Variants in TMEM272 observed in about 807,000 individuals in gnomAD.
The protein encoded by TMEM272 is long intergenic non-protein coding RNA 282.
A neutral mutation model predicts 3.7 loss-of-function variants in TMEM272; 8 were observed. The observed-to-expected ratio is 2.17, with a 90% confidence interval of 1.27 to 3.91. The LOEUF (loss-of-function observed/expected upper bound fraction) is 3.91, where lower values mean the gene tolerates loss of function less well. TMEM272 is among the 30% of genes most tolerant of loss of function. TMEM272 has a pLI of 0.00. For missense variants in TMEM272, 166 were observed against 91.5 expected, an observed-to-expected ratio of 1.81 and a Z score of -3.32; for synonymous variants, 63 against 39.8, an observed-to-expected ratio of 1.58 and a Z score of -2.20.
At chr13:51,908,704 A>T in the TMEM272 span, 2 of 1,481,812 alleles carry the variant, frequency 1.3e-6, no homozygotes, top group Non-Finnish European at 1.9e-6. Flanking sequence ...GGTATATTAA[A>T]ACTTCTGAGT....
At chr13:51,876,283 T>G in the TMEM272 span, among the ~76,000 whole-genome samples, 1 of 152,368 alleles carries the variant, frequency 6.6e-6, no homozygotes, top group Admixed American at 6.5e-5. Context: ...GATTTTCCTT[T>G]GAAGTGTGGT....
chr13:51,831,830 G>A (rs1956175915), intron 2 of TMEM272, among the ~76,000 whole-genome samples: 1 of 152,220 alleles, frequency 6.6e-6, no homozygotes, highest in Non-Finnish European at 1.5e-5. Flanking sequence ...GGTCTATTGA[G>A]CACCAATTCC....
the TMEM272 span, among the ~76,000 whole-genome samples, chr13:51,852,089 A>T: frequency 1.3e-5 from 2 of 152,272 alleles, no homozygotes; most frequent in Admixed American, 6.5e-5. Context: ...CATGGGGGTT[A>T]TAACAGTTTG....
At chr13:51,924,739 AG>A in the TMEM272 span, among the ~76,000 whole-genome samples, 2 of 152,088 alleles carry the variant, frequency 1.3e-5, no homozygotes, top group East Asian at 3.9e-4. Flanking sequence ...CCCAGCAGCC[AG>A]GATGCACCCC....
chr13:51,918,726 A>G, the TMEM272 span, among the ~76,000 whole-genome samples: 1 of 151,872 alleles, frequency 6.6e-6, no homozygotes, highest in African/African-American at 2.4e-5. Flanking sequence ...CCCCAGCTCA[A>G]GTATCCTCCC....
At chr13:51,899,376 C>T in the TMEM272 span, among the ~76,000 whole-genome samples, 1 of 152,066 alleles carries the variant, frequency 6.6e-6, no homozygotes, top group Non-Finnish European at 1.5e-5. Flanking sequence ...TAATAAAAGC[C>T]AGAAAAGGGT....
the TMEM272 span, among the ~76,000 whole-genome samples, chr13:51,868,388 T>C: frequency 6.6e-6 from 1 of 152,222 alleles, no homozygotes. Context: ...TATGCAAAGA[T>C]GCACAGAGAT....
chr13:51,872,182 G>T, the TMEM272 span, among the ~76,000 whole-genome samples: 1 of 152,124 alleles, frequency 6.6e-6, no homozygotes. Context: ...GCTTCTAAAA[G>T]ATTATAAATT....
chr13:51,878,494 C>T, the TMEM272 span, among the ~76,000 whole-genome samples: 1 of 152,122 alleles, frequency 6.6e-6, no homozygotes, highest in Non-Finnish European at 1.5e-5. Flanking sequence ...ATCACAAGAA[C>T]AGCATGGGGG....
intron 2 of TMEM272, among the ~76,000 whole-genome samples, chr13:51,832,889 G>A (rs77801215): frequency 5.3e-5 from 8 of 152,280 alleles, no homozygotes; most frequent in East Asian, 1.9e-4. Flanking sequence ...TCGGCAATGC[G>A]GACTTCACCA....
At chr13:51,894,076 C>A in the TMEM272 span, among the ~76,000 whole-genome samples, 4 of 152,190 alleles carry the variant, frequency 2.6e-5, no homozygotes, top group African/African-American at 7.2e-5. Flanking sequence ...ACACACCACA[C>A]CCCCTGCATT....
chr13:51,897,362 A>ATTTTTTTTTTTTTTTTT, the TMEM272 span, among the ~76,000 whole-genome samples: 1 of 82,408 alleles, frequency 1.2e-5, no homozygotes, highest in African/African-American at 4.1e-5. Flanking sequence ...TGTCTGGCTA[A>ATTTTTTTTTTTTTTTTT]TTTTTTTTTT....
chr13:51,866,029 C>T, the TMEM272 span: 2 of 1,607,978 alleles, frequency 1.2e-6, no homozygotes, highest in Non-Finnish European at 1.7e-6. Context: ...ATGGGCCCCA[C>T]AACGCCAACA....
the TMEM272 span, chr13:51,909,110 A>G: frequency 6.8e-7 from 1 of 1,460,862 alleles, no homozygotes; most frequent in South Asian, 1.1e-5. Flanking sequence ...CTGTATTTGG[A>G]ACATCAAGTG....
the TMEM272 span, among the ~76,000 whole-genome samples, chr13:51,859,505 AACAC>A: frequency 0.013 from 1,673 of 129,914 alleles, 15 homozygotes; most frequent in Middle Eastern, 0.031. Context: ...CTCCCAACCA[AACAC>A]ACACACACAC....
At chr13:51,863,708 C>CACACACACACACACACA in the TMEM272 span, among the ~76,000 whole-genome samples, 1 of 141,022 alleles carries the variant, frequency 7.1e-6, no homozygotes, top group Non-Finnish European at 1.6e-5. Context: ...CACACACACA[C>CACACACACACACACACA]ACCAGCTATG....
chr13:51,892,495 G>A, the TMEM272 span, among the ~76,000 whole-genome samples: 1 of 152,124 alleles, frequency 6.6e-6, no homozygotes, highest in Non-Finnish European at 1.5e-5. Context: ...TGGCTTCTGT[G>A]CCCACTTGCT....
chr13:51,923,001 A>G, the TMEM272 span, among the ~76,000 whole-genome samples: 1 of 152,152 alleles, frequency 6.6e-6, no homozygotes, highest in Non-Finnish European at 1.5e-5. Context: ...ACAGGCTCTG[A>G]GGATTCGGAT....
At chr13:51,863,463 G>C in the TMEM272 span, among the ~76,000 whole-genome samples, 58 of 152,138 alleles carry the variant, frequency 3.8e-4, no homozygotes, top group Non-Finnish European at 7.5e-4. Flanking sequence ...TGGCTGTCAT[G>C]GGGGAGATGG....
Sources: allele counts gnomAD v4.1 joint callset (sites outside exome capture counted in the v4.1 genomes callset), GRCh38; gene constraint gnomAD v4.1.1; transcripts MANE v1.5; gene names NCBI Gene and HGNC (gene_info 2026-07-23, HGNC 2026-07-21).